HNF4A: variants seen among roughly 807,000 people sequenced by gnomAD.
HNF4A encodes the protein hepatocyte nuclear factor 4-alpha.
A neutral mutation model predicts 52.4 loss-of-function variants in HNF4A; 15 were observed. The ratio of observed to expected loss-of-function variants is 0.29; its 90% CI spans 0.19 to 0.44. The LOEUF is 0.44. HNF4A is among the 20% of genes least tolerant of loss of function. The pLI, the probability that HNF4A is intolerant of heterozygous loss-of-function variation, is 1.00. For missense variants in HNF4A, 479 were observed against 647.2 expected, an observed-to-expected ratio of 0.74 and a Z score of 2.82; for synonymous variants, 280 against 264.4, an observed-to-expected ratio of 1.06 and a Z score of -0.57.
At chr20:44,407,326 T>C in intron 2 of HNF4A, 55 bp from the exon 3 acceptor site, 1 of 1,329,710 alleles carries the variant, frequency 7.5e-7, no homozygotes, top group South Asian at 1.2e-5. Context: ...CCTAGTTCTG[T>C]CCTAAGAGGA....
At chr20:44,363,619 G>C (rs1356933530) in intron 1 of HNF4A, among the ~76,000 whole-genome samples, 1 of 151,898 alleles carries the variant, frequency 6.6e-6, no homozygotes, top group African/African-American at 2.4e-5. Flanking sequence ...ATCCTCATCA[G>C]AGACCTGGGA....
intron 1 of HNF4A, chr20:44,401,575 T>C: frequency 6.6e-7 from 1 of 1,514,424 alleles, no homozygotes; most frequent in South Asian, 1.2e-5. Flanking sequence ...AACTTTGGGG[T>C]GGGAGGAGAA....
chr20:44,390,096 C>T (rs971461953), intron 1 of HNF4A, among the ~76,000 whole-genome samples: 1 of 152,144 alleles, frequency 6.6e-6, no homozygotes, highest in Non-Finnish European at 1.5e-5. Context: ...TGAAATGCCT[C>T]GGCTAAGTTT....
At chr20:44,360,018 A>G (rs1305291137) in intron 1 of HNF4A, among the ~76,000 whole-genome samples, 3 of 152,086 alleles carry the variant, frequency 2.0e-5, no homozygotes, top group African/African-American at 7.2e-5. Context: ...TCCCTTGGTT[A>G]TTTATTTTGC....
At chr20:44,382,242 TTTC>T (rs1459036295) in intron 1 of HNF4A, among the ~76,000 whole-genome samples, 14 of 110,944 alleles carry the variant, frequency 1.3e-4, no homozygotes, top group African/African-American at 2.4e-4. Context: ...TCTTTCTTTC[TTTC>T]TTTTTTTTTT....
chr20:44,371,853 A>G (rs773259009), intron 1 of HNF4A, among the ~76,000 whole-genome samples: 3 of 152,030 alleles, frequency 2.0e-5, no homozygotes, highest in South Asian at 4.2e-4. Context: ...CCCAACTTTC[A>G]CCTCCTTTAA....
chr20:44,394,563 C>A (rs2063335610), intron 1 of HNF4A, among the ~76,000 whole-genome samples: 1 of 152,194 alleles, frequency 6.6e-6, no homozygotes, highest in African/African-American at 2.4e-5. Context: ...ACCCCAAGCT[C>A]AAAGCTGCCG....
chr20:44,360,785 A>G (rs2062908398), intron 1 of HNF4A, among the ~76,000 whole-genome samples: 1 of 152,172 alleles, frequency 6.6e-6, no homozygotes, highest in South Asian at 2.1e-4. Context: ...GACAGATCAG[A>G]GGCCATTGTC....
chr20:44,418,086 A>G (rs994994359), intron 5 of HNF4A, among the ~76,000 whole-genome samples: 6 of 151,954 alleles, frequency 3.9e-5, no homozygotes, highest in Non-Finnish European at 7.4e-5. Context: ...GGGATCATAG[A>G]CCTTTTTGAG....
chr20:44,401,164 C>T (rs1013076801), upstream of HNF4A: 54 of 1,433,428 alleles, frequency 3.8e-5, no homozygotes, highest in Middle Eastern at 2.5e-4. Context: ...GGCGGGGGAC[C>T]GATTAACCAT....
At chr20:44,362,987 G>A (rs1323378422) in intron 1 of HNF4A, among the ~76,000 whole-genome samples, 1 of 151,716 alleles carries the variant, frequency 6.6e-6, no homozygotes, top group Non-Finnish European at 1.5e-5. Flanking sequence ...GATTGTAGCT[G>A]GGGTTACAAG....
chr20:44,423,545 C>A (rs1203097858), intron 7 of HNF4A, among the ~76,000 whole-genome samples: 1 of 152,116 alleles, frequency 6.6e-6, no homozygotes, highest in Admixed American at 6.5e-5. Flanking sequence ...GAAGCAGGAA[C>A]CAGGGAAGGG....
At chr20:44,389,982 C>T (rs2063282130) in intron 1 of HNF4A, 1 of 152,332 alleles carries the variant, frequency 6.6e-6, no homozygotes, top group South Asian at 2.1e-4. Context: ...GAGAAGGAGA[C>T]TCACATTCAC....
At chr20:44,364,455 T>TTGC (rs2062950037) in intron 1 of HNF4A, among the ~76,000 whole-genome samples, 1 of 151,430 alleles carries the variant, frequency 6.6e-6, no homozygotes, top group Non-Finnish European at 1.5e-5. Context: ...AACCCAGGAA[T>TTGC]AGGTCATGCA....
At chr20:44,382,869 A>T (rs1042571471) in intron 1 of HNF4A, among the ~76,000 whole-genome samples, 2 of 152,124 alleles carry the variant, frequency 1.3e-5, no homozygotes, top group South Asian at 2.1e-4. Flanking sequence ...ATCTCCATGG[A>T]GTTCAAACAT....
At chr20:44,415,014 T>C (rs144162737) in intron 5 of HNF4A, among the ~76,000 whole-genome samples, 1 of 152,242 alleles carries the variant, frequency 6.6e-6, no homozygotes, top group East Asian at 1.9e-4. Flanking sequence ...CTCCTGACCA[T>C]TGTACCTGAG....
chr20:44,414,436 T>C, intron 4 of HNF4A, 71 bp from the exon 5 acceptor site: 1 of 1,608,640 alleles, frequency 6.2e-7, no homozygotes. Flanking sequence ...GGGAGGGGGC[T>C]CTGTGCAGGG....
At chr20:44,370,365 C>T (rs2063021895) in intron 1 of HNF4A, among the ~76,000 whole-genome samples, 1 of 152,184 alleles carries the variant, frequency 6.6e-6, no homozygotes, top group South Asian at 2.1e-4. Context: ...ACGCCAAGCA[C>T]ACTCCTGCCA....
chr20:44,429,479 G>C (rs747370297), intron 9 of HNF4A, 44 bp from the exon 10 acceptor site: 4 of 1,613,924 alleles, frequency 2.5e-6, no homozygotes, highest in South Asian at 2.2e-5. Flanking sequence ...TCCCACAAAG[G>C]CTGGAATTTT....
Sources: gnomAD v4.1 joint callset for allele counts (sites outside exome capture counted in the v4.1 genomes callset) on GRCh38, gnomAD v4.1.1 for gene constraint, MANE v1.5 for transcripts, NCBI Gene and HGNC (gene_info 2026-07-23, HGNC 2026-07-21) for gene names.